Variants in PLEKHM2 observed in about 807,000 individuals in gnomAD.
The protein encoded by PLEKHM2 is pleckstrin homology and RUN domain containing M2.
In PLEKHM2, 77 loss-of-function variants were observed where a neutral mutation model predicts 116.3. That is an observed-to-expected ratio of 0.66 (90% CI 0.55 to 0.80). The LOEUF is 0.80. PLEKHM2 is among the 30% of genes least tolerant of loss of function. The pLI is 0.00. For missense variants in PLEKHM2, 1,183 were observed against 1,354.9 expected (o/e 0.87, Z 1.99); for synonymous variants, 562 against 571.0 (o/e 0.98, Z 0.22).
chr1:15,719,654 C>A lies in PLEKHM2; in HGVS notation c.466-80C>A. The A allele has an allele frequency of 1.1e-6, 1 of 925,834 alleles. No individual in the cohort carries two copies. Among genetic ancestry groups the A allele is most frequent in the Non-Finnish European group, 1.7e-6 (1 of 587,118 alleles). The allele number at this position is 925,834 out of a possible 1,614,324, so 57.4% of individuals were successfully genotyped here. A position where few individuals can be genotyped will look rare whatever the true frequency, so the allele number is the denominator to read the frequency against. On this transcript the variant is annotated intron_variant, in intron 5 of 19. Transcript: ENST00000375799. The surrounding 1 kb of genome is among the most constrained non-coding windows in gnomAD (Gnocchi z 4.1). ...TCCCAAAGAGGCACATCTGTGTCTCCCAGGCCTGGATCCTGCTGTCTGCAG... is the reference window on the plus strand; with the variant it reads ...TCCCAAAGAGGCACATCTGTGTCTCACAGGCCTGGATCCTGCTGTCTGCAG...
intron 4 of PLEKHM2, 36 bp downstream of exon 4, chr1:15,718,028 A>C: frequency 7.4e-7 from 1 of 1,344,680 alleles, no homozygotes. Context: ...CCCTAGCCTC[A>C]GAGCTCCCTT....
chr1:15,728,668 G>C lies in PLEKHM2; in HGVS notation c.1922-1G>C. 2 of 1,609,336 alleles carry C rather than the reference G, an allele frequency of 1.2e-6. No individual in the cohort carries two copies. The highest frequency in any genetic ancestry group is 1.7e-6 in the Non-Finnish European group (2 of 1,177,846). On this transcript the variant is annotated splice_acceptor_variant, in intron 11 of 19. Coordinates refer to ENST00000375799, the MANE Select transcript of PLEKHM2 (RefSeq NM_015164.4). LOFTEE classifies it high-confidence loss of function. This position sits in a 1 kb window ranked among gnomAD's most constrained non-coding sequence, Gnocchi z 5.9. ...ATAGGCCTTGGGGTTTCCTCTCTCA[G>C]GGGCCACAGAGAAGCCATACCTGGT... is the stretch of plus-strand genomic sequence containing the variant.
At position 15,734,308 on chromosome 1, in the gene PLEKHM2, C is replaced by T. The variant is rs1015623453; in HGVS notation, c.*374C>T. 3 of 207,972 alleles carry T rather than the reference C, an allele frequency of 1.4e-5. No homozygotes were observed. Among genetic ancestry groups the T allele is most frequent in the Admixed American group, 5.9e-5 (1 of 17,090 alleles). The allele number at this position is 207,972 out of a possible 1,614,324, so 12.9% of individuals were successfully genotyped here. ...AAAAGAACCAGGAGGGCGGGACCCC[C>T]CTCTTCCTCTCCTGGGTTGGGGGCT... On this transcript the variant is annotated 3_prime_UTR_variant, in exon 20 of 20. Transcript: ENST00000375799.
At position 15,728,864 on chromosome 1, in the gene PLEKHM2, G is replaced by T; in HGVS notation, c.1986+131G>T. 1 of 889,714 alleles carries T rather than the reference G, an allele frequency of 1.1e-6. No individual in the cohort carries two copies. The highest frequency in any genetic ancestry group is 1.5e-5 in the South Asian group (1 of 66,028). 55.1% of individuals were successfully genotyped at this position (889,714 alleles called of 1,614,324 possible). A position where few individuals can be genotyped will look rare whatever the true frequency, so the allele number is the denominator to read the frequency against. On this transcript the variant is annotated intron_variant, in intron 12 of 19. Transcript: ENST00000375799. This position sits in a 1 kb window ranked among gnomAD's most constrained non-coding sequence, Gnocchi z 5.9. ...GGGTTGGGCACCAACTTAACTCTCA[G>T]AGAGGCTTCTGTACACGATGCTGGG...
At chr1:15,731,291 G>A (rs1269348417) in intron 16 of PLEKHM2, 34 bp downstream of exon 16, 6 of 1,490,828 alleles carry the variant, frequency 4.0e-6, no homozygotes, top group Non-Finnish European at 5.5e-6. Context: ...TGTATCCTGG[G>A]GCCCAGAGCT....
chr1:15,730,844 C>T lies in PLEKHM2; in HGVS notation c.2399+122C>T, dbSNP rs1012104025. On this transcript the variant is annotated intron_variant, in intron 15 of 19. Transcript: ENST00000375799. ...GGAGCAGCCTGAGGAGAGGACGCCT[C>T]CCTTCCCTACCAGAGCTTGGAGTTG... 12 of 745,494 alleles carry T rather than the reference C, an allele frequency of 1.6e-5. No individual in the cohort carries two copies. The East Asian group carries it at 3.2e-4, about 20-fold the overall frequency. 46.2% of individuals were successfully genotyped at this position (745,494 alleles called of 1,614,324 possible).
In PLEKHM2 at chr1:15,717,478, C is replaced by G. The variant is rs904848407; in HGVS notation, c.278-415C>G. On this transcript the variant is annotated intron_variant, in intron 3 of 19. Coordinates refer to ENST00000375799, the MANE Select transcript of PLEKHM2 (RefSeq NM_015164.4). ...CAGCCCCCTCCATGAGGCCTCTTTT[C>G]TCCCCACATATGATGGTTTTTTGGC... Among the ~76,000 whole-genome samples the G allele has an allele frequency of 5.9e-5, 9 of 152,328 alleles. No individual in the cohort carries two copies. The South Asian group carries it at 8.3e-4, about 14-fold the overall frequency.
chr1:15,683,584 T>TG (rs1640691777), upstream of PLEKHM2, among the ~76,000 whole-genome samples: 1 of 71,784 alleles, frequency 1.4e-5, no homozygotes, highest in African/African-American at 5.4e-5. Flanking sequence ...TGGGGTTTTG[T>TG]GGGGGGATCC....
rs1640715247 is a variant in PLEKHM2, at chr1:15,684,433, G to A, written c.-126G>A. 1 of 399,622 alleles carries A rather than the reference G, an allele frequency of 2.5e-6. No individual in the cohort carries two copies. The highest frequency in any genetic ancestry group is 2.2e-5 in the African/African-American group (1 of 45,656). The allele number at this position is 399,622 out of a possible 1,614,324, so 24.8% of individuals were successfully genotyped here. A position where few individuals can be genotyped will look rare whatever the true frequency, so the allele number is the denominator to read the frequency against. ...GCGGCGGGCGCCGGGCCCCGCGGCC[G>A]GCACGACGGAGCCCCCGTACGGCCG... On this transcript the variant is annotated 5_prime_UTR_variant, in exon 1 of 20. Transcript: ENST00000375799.
At chr1:15,696,391 C>G (rs750948711) in intron 1 of PLEKHM2, among the ~76,000 whole-genome samples, 5 of 152,100 alleles carry the variant, frequency 3.3e-5, no homozygotes, top group Admixed American at 2.0e-4. Flanking sequence ...CTCTTCTTGC[C>G]CAGGCTTGGA....
chr1:15,694,344 A>G (rs1453019664), intron 1 of PLEKHM2, among the ~76,000 whole-genome samples: 1 of 151,066 alleles, frequency 6.6e-6, no homozygotes, highest in Non-Finnish European at 1.5e-5. Flanking sequence ...GCGAGACTCC[A>G]TCTCAAAAAA....
chr1:15,727,850 C>G lies in PLEKHM2; in HGVS notation c.1760+18C>G. On this transcript the variant is annotated intron_variant, in intron 9 of 19. Coordinates refer to ENST00000375799, the MANE Select transcript of PLEKHM2 (RefSeq NM_015164.4). The surrounding 1 kb of genome is among the most constrained non-coding windows in gnomAD (Gnocchi z 7.5). ...GAGTTCAGGTAACAAGACTCTGCAG[C>G]TGGCATGGGACTCTCCCAGCCCTTG... is the stretch of plus-strand genomic sequence containing the variant. 1 of 1,522,344 alleles carries G rather than the reference C, an allele frequency of 6.6e-7. No individual in the cohort carries two copies. The highest frequency in any genetic ancestry group is 8.9e-7 in the Non-Finnish European group (1 of 1,125,698). The allele number at this position is 1,522,344 out of a possible 1,614,324, so 94.3% of individuals were successfully genotyped here.
In PLEKHM2 at chr1:15,730,046, TGGGCGGGGCG is replaced by T. The variant is rs57687369; in HGVS notation, c.2208+142_2208+151del. On this transcript the variant is annotated intron_variant, in intron 14 of 19. Transcript: ENST00000375799. Reference sequence around the variant, plus strand: ...CTTTGCCATTTCACAATCGCCTACCTGGGCGGGGCGGGGCGGGGCGGGGCGGGGCGGGGCT... The same window carrying T: ...CTTTGCCATTTCACAATCGCCTACCTGGGCGGGGCGGGGCGGGGCGGGGCT... The T allele has an allele frequency of 7.4e-3, 1,215 of 164,728 alleles. 24 individuals are homozygous for T. The highest frequency in any genetic ancestry group is 0.025 in the African/African-American group (947 of 38,460). The allele number at this position is 164,728 out of a possible 1,614,324, so 10.2% of individuals were successfully genotyped here.
Position 15,684,516 on chromosome 1 carries a change from C to CGGA in PLEKHM2, c.-41_-40insAGG, listed in dbSNP as rs1557635812. ...GGCGCGGGAAGCGGCGGCGGGGCGG[C>CGGA]GGCGGCGGTGGCGGTGGCGGTGGCG... On this transcript the variant is annotated 5_prime_UTR_variant, in exon 1 of 20. Coordinates refer to ENST00000375799, the MANE Select transcript of PLEKHM2 (RefSeq NM_015164.4). 1 of 1,078,578 alleles carries CGGA rather than the reference C, an allele frequency of 9.3e-7. No homozygotes were observed. Among genetic ancestry groups the CGGA allele is most frequent in the Non-Finnish European group, 1.1e-6 (1 of 879,448 alleles). 66.8% of individuals were successfully genotyped at this position (1,078,578 alleles called of 1,614,324 possible).
At chr1:15,690,064 T>TG (rs1640858815) in intron 1 of PLEKHM2, among the ~76,000 whole-genome samples, 1 of 146,446 alleles carries the variant, frequency 6.8e-6, no homozygotes, top group Non-Finnish European at 1.5e-5. Flanking sequence ...CCGAGGTTTT[T>TG]TTTTTTTTTG....
chr1:15,725,570 G>A (rs1041210806), intron 8 of PLEKHM2, 25 bp downstream of exon 8: 34 of 1,512,160 alleles, frequency 2.2e-5, no homozygotes, highest in African/African-American at 2.8e-5. Context: ...GCCCAGAAAG[G>A]AGCTGAGGTC....
chr1:15,733,970 G>C lies in PLEKHM2; in HGVS notation c.*36G>C. The stretch of plus-strand genomic sequence containing the variant: ...GTTGGCGTCCCTGGTGGGCAGGAAA[G>C]GAAGGCACGCCAGCCGGCAGGCACA... On this transcript the variant is annotated 3_prime_UTR_variant, in exon 20 of 20. Coordinates refer to ENST00000375799, the MANE Select transcript of PLEKHM2 (RefSeq NM_015164.4). 6.3e-7 allele frequency: 1 copy of C among 1,594,942 alleles called. No individual in the cohort carries two copies. The highest frequency in any genetic ancestry group is 8.5e-7 in the Non-Finnish European group (1 of 1,170,116).
At chr1:15,708,538 G>T (rs1479030512) in intron 1 of PLEKHM2, among the ~76,000 whole-genome samples, 1 of 152,068 alleles carries the variant, frequency 6.6e-6, no homozygotes, top group Non-Finnish European at 1.5e-5. Context: ...TTCTTTCTTG[G>T]ATTCCCCTAA....
intron 1 of PLEKHM2, among the ~76,000 whole-genome samples, chr1:15,689,172 C>T (rs1204835506): frequency 2.0e-5 from 3 of 147,702 alleles, no homozygotes; most frequent in African/African-American, 7.6e-5. Flanking sequence ...CGCTTAAACT[C>T]GGGAGGCGGA....
Sources: allele counts gnomAD v4.1 joint callset (sites outside exome capture counted in the v4.1 genomes callset), GRCh38; gene constraint gnomAD v4.1.1; non-coding constraint Gnocchi (gnomAD v3.1); transcripts MANE v1.5; gene names NCBI Gene and HGNC (gene_info 2026-07-23, HGNC 2026-07-21).